The following SLC26A7 variants were observed in gnomAD, a reference collection of about 807,000 sequenced individuals.
SLC26A7 encodes the protein solute carrier family 26 member 7.
A neutral mutation model predicts 82.5 loss-of-function variants in SLC26A7; 59 were observed. The ratio of observed to expected loss-of-function variants is 0.72; its 90% CI spans 0.58 to 0.89. The LOEUF (loss-of-function observed/expected upper bound fraction) is 0.89, where lower values mean the gene tolerates loss of function less well. Ranked by LOEUF, SLC26A7 falls within the 40% of genes least tolerant of loss-of-function variation. The pLI, the probability that SLC26A7 is intolerant of heterozygous loss-of-function variation, is 0.00. For synonymous variants in SLC26A7, 271 were observed against 274.3 expected (o/e 0.99, Z 0.12); for missense variants, 820 against 793.0 (o/e 1.03, Z -0.41).
At chr8:91,270,252 T>C (rs1278212926) in intron 2 of SLC26A7, among the ~76,000 whole-genome samples, 1 of 152,198 alleles carries the variant, frequency 6.6e-6, no homozygotes, top group Non-Finnish European at 1.5e-5. Context: ...TACTACTTAA[T>C]ATTGGAACTT....
At chr8:91,280,586 C>T (rs1030185986) in intron 2 of SLC26A7, among the ~76,000 whole-genome samples, 7 of 152,196 alleles carry the variant, frequency 4.6e-5, no homozygotes, top group African/African-American at 1.7e-4. Context: ...TTGTCAAAGT[C>T]AAAAGGACAT....
intron 2 of SLC26A7, among the ~76,000 whole-genome samples, chr8:91,237,329 T>C (rs1317056223): frequency 6.6e-6 from 1 of 152,250 alleles, no homozygotes; most frequent in Non-Finnish European, 1.5e-5. Context: ...AATTTTTTCT[T>C]GTGTATCTGA....
chr8:91,371,584 A>G (rs986355015), intron 15 of SLC26A7, among the ~76,000 whole-genome samples: 1 of 151,946 alleles, frequency 6.6e-6, no homozygotes, highest in Non-Finnish European at 1.5e-5. Context: ...ATTCTTTTCT[A>G]TGGCTGTGTA....
At chr8:91,277,372 C>G (rs541814797) in intron 2 of SLC26A7, among the ~76,000 whole-genome samples, 26 of 152,124 alleles carry the variant, frequency 1.7e-4, no homozygotes, top group Non-Finnish European at 3.4e-4. Flanking sequence ...ATACTGCATC[C>G]CCATTTGCAT....
chr8:91,356,933 C>T (rs879667895), intron 11 of SLC26A7, among the ~76,000 whole-genome samples: 45 of 152,222 alleles, frequency 3.0e-4, no homozygotes, highest in Admixed American at 6.5e-4. Context: ...TAGAGCAGCC[C>T]GCAGTTCTTA....
At chr8:91,372,894 A>G (rs959912580) in intron 15 of SLC26A7, among the ~76,000 whole-genome samples, 1 of 151,758 alleles carries the variant, frequency 6.6e-6, no homozygotes, top group African/African-American at 2.4e-5. Flanking sequence ...GTCATCTGCA[A>G]TTTCTTTCAT....
chr8:91,317,421 C>A (rs1012320730), intron 4 of SLC26A7, among the ~76,000 whole-genome samples: 1 of 152,088 alleles, frequency 6.6e-6, no homozygotes, highest in Non-Finnish European at 1.5e-5. Flanking sequence ...ACAAATAAGT[C>A]CTAATGTATT....
At chr8:91,291,747 A>T (rs778755318) in intron 3 of SLC26A7, among the ~76,000 whole-genome samples, 39 of 152,210 alleles carry the variant, frequency 2.6e-4, no homozygotes, top group Non-Finnish European at 3.4e-4. Flanking sequence ...ATATTTAACA[A>T]ATTTTTAACA....
At chr8:91,232,020 AT>A (rs1221412126) in intron 2 of SLC26A7, among the ~76,000 whole-genome samples, 1 of 152,172 alleles carries the variant, frequency 6.6e-6, no homozygotes, top group Non-Finnish European at 1.5e-5. Flanking sequence ...TTAGTGTGTA[AT>A]ATAACAAAGA....
chr8:91,382,604 T>C (rs897512639), intron 15 of SLC26A7, among the ~76,000 whole-genome samples: 1 of 152,208 alleles, frequency 6.6e-6, no homozygotes, highest in Non-Finnish European at 1.5e-5. Context: ...TGGGATTCAG[T>C]ATCTTCACCT....
At chr8:91,243,311 T>A (rs1810498785) in intron 2 of SLC26A7, among the ~76,000 whole-genome samples, 1 of 152,150 alleles carries the variant, frequency 6.6e-6, no homozygotes, top group African/African-American at 2.4e-5. Flanking sequence ...ATACAATATA[T>A]AAAACGATGG....
intron 11 of SLC26A7, among the ~76,000 whole-genome samples, chr8:91,358,937 G>C (rs1237361328): frequency 1.3e-5 from 2 of 151,754 alleles, no homozygotes; most frequent in East Asian, 1.9e-4. Context: ...TTGTGGGTTG[G>C]GGGGACGGGG....
chr8:91,344,235 G>GAA lies in SLC26A7; in HGVS notation c.1140+770_1140+771insAA, dbSNP rs1311129964. ...TAATTATTATCCTCAGTTTCTACAT[G>GAA]AGAAAGTTGAGGGAAAGAAGGTTAA... On this transcript the variant is annotated intron_variant, in intron 9 of 18. Coordinates refer to ENST00000276609, the MANE Select transcript of SLC26A7 (RefSeq NM_052832.4). The GAA allele has an allele frequency of 3.1e-6, 3 of 982,856 alleles. No individual in the cohort carries two copies. In the African/African-American group the frequency reaches 5.2e-5, roughly 17 times the overall value. 60.9% of individuals were successfully genotyped at this position (982,856 alleles called of 1,614,324 possible). A position where few individuals can be genotyped will look rare whatever the true frequency, so the allele number is the denominator to read the frequency against.
At chr8:91,307,973 A>G (rs1295758968) in intron 4 of SLC26A7, among the ~76,000 whole-genome samples, 1 of 152,132 alleles carries the variant, frequency 6.6e-6, no homozygotes, top group Non-Finnish European at 1.5e-5. Flanking sequence ...CACTGGGATT[A>G]TAAGCATGAG....
intron 15 of SLC26A7, among the ~76,000 whole-genome samples, chr8:91,388,226 G>A (rs1404771271): frequency 6.6e-6 from 1 of 151,828 alleles, no homozygotes; most frequent in South Asian, 2.1e-4. Context: ...CACCTCCCGG[G>A]TTCACGCCGT....
At chr8:91,292,328 A>T (rs1439440992) in intron 3 of SLC26A7, among the ~76,000 whole-genome samples, 1 of 151,778 alleles carries the variant, frequency 6.6e-6, no homozygotes, top group Non-Finnish European at 1.5e-5. Context: ...AAAAGAAGAT[A>T]ATTTTCCCTT....
intron 1 of SLC26A7, among the ~76,000 whole-genome samples, chr8:91,214,532 T>C (rs777357196): frequency 2.8e-4 from 43 of 152,148 alleles, no homozygotes; most frequent in Non-Finnish European, 2.9e-4. Context: ...CACTAAGCTA[T>C]AATTTAGTGA....
intron 6 of SLC26A7, among the ~76,000 whole-genome samples, chr8:91,335,347 G>A (rs188645018): frequency 6.6e-6 from 1 of 152,174 alleles, no homozygotes; most frequent in Non-Finnish European, 1.5e-5. Flanking sequence ...GGCCATGTAT[G>A]ATCCTATACT....
At chr8:91,215,541 GTGTT>G (rs1370620326) in intron 1 of SLC26A7, among the ~76,000 whole-genome samples, 2 of 152,134 alleles carry the variant, frequency 1.3e-5, no homozygotes, top group East Asian at 1.9e-4. Flanking sequence ...ATATAATCAT[GTGTT>G]TGTTTGCTTT....
Sources: allele counts gnomAD v4.1 joint callset (sites outside exome capture counted in the v4.1 genomes callset), GRCh38; gene constraint gnomAD v4.1.1; transcripts MANE v1.5; gene names NCBI Gene and HGNC (gene_info 2026-07-23, HGNC 2026-07-21).